NRXN3: variants seen among roughly 807,000 people sequenced by gnomAD.
The protein encoded by NRXN3 is neurexin III.
NRXN3 carries 32 observed loss-of-function variants against 137.6 expected under a neutral mutation model. That is an observed-to-expected ratio of 0.23 (90% CI 0.18 to 0.31). The LOEUF is 0.31. Among genes scored for constraint, NRXN3 ranks in the 10% least tolerant of loss-of-function variants. The pLI is 1.00. For synonymous variants in NRXN3, 798 were observed against 784.5 expected, an observed-to-expected ratio of 1.02 and a Z score of -0.29; for missense variants, 1,574 against 2,062.5, an observed-to-expected ratio of 0.76 and a Z score of 4.59.
At chr14:78,384,660 A>G (rs549307238) in intron 4 of NRXN3, among the ~76,000 whole-genome samples, 2 of 152,220 alleles carry the variant, frequency 1.3e-5, no homozygotes, top group South Asian at 4.1e-4. Flanking sequence ...CAGCCTTCCT[A>G]TTCTGCCCCC....
At chr14:78,914,491 G>A (rs1025699258) in intron 10 of NRXN3, among the ~76,000 whole-genome samples, 2 of 152,162 alleles carry the variant, frequency 1.3e-5, no homozygotes, top group Admixed American at 6.5e-5. Context: ...CTACTTTAAC[G>A]AATGATGTAA....
chr14:79,026,003 A>G (rs79987128), intron 15 of NRXN3, among the ~76,000 whole-genome samples: 3,314 of 152,196 alleles, frequency 0.022, 114 homozygotes, highest in African/African-American at 0.076. Context: ...AAGTCCAGGT[A>G]TGTCTCATCG....
intron 4 of NRXN3, among the ~76,000 whole-genome samples, chr14:78,510,040 TTATATATATATA>T (rs57232548): frequency 6.9e-6 from 1 of 144,424 alleles, no homozygotes; most frequent in African/African-American, 2.7e-5. Flanking sequence ...TGACAAAATT[TTATATATATATA>T]TATATATTTT....
intron 4 of NRXN3, among the ~76,000 whole-genome samples, chr14:78,467,519 CT>C: frequency 6.6e-6 from 1 of 152,322 alleles, no homozygotes; most frequent in African/African-American, 2.4e-5. Flanking sequence ...AAAGTTTGGC[CT>C]TTCCCATACT....
intron 8 of NRXN3, among the ~76,000 whole-genome samples, chr14:78,741,588 G>A (rs113351428): frequency 6.6e-5 from 10 of 152,172 alleles, no homozygotes; most frequent in African/African-American, 2.4e-4. Flanking sequence ...AGAAAAGTAC[G>A]TACTCATGAA....
chr14:78,944,950 T>G (rs905739025), intron 10 of NRXN3, among the ~76,000 whole-genome samples: 1 of 152,204 alleles, frequency 6.6e-6, no homozygotes, highest in African/African-American at 2.4e-5. Flanking sequence ...TTATTTATGT[T>G]TCTTATGAAG....
rs1272290133 is a variant in NRXN3, at chr14:78,645,183, A to G, written c.821A>G (p.Asn274Ser). 1 of 1,595,024 alleles carries G rather than the reference A, an allele frequency of 6.3e-7. No individual in the cohort carries two copies. The highest frequency in any genetic ancestry group is 1.3e-5 in the African/African-American group (1 of 74,892). Residue 274 changes from asparagine (N) to serine (S), a missense_variant, in exon 5 of 21, where the codon AAC (asparagine) becomes AGC (serine). Physicochemically the swap from Asn to Ser is conservative, Grantham distance 46. Transcript: ENST00000335750. Reference sequence around the variant, plus strand: ...TATCTGTGCTACGACCTGTCTCAGAACCCGATCCAGAGCAGCAGTGATGAA... The same window carrying G: ...TATCTGTGCTACGACCTGTCTCAGAGCCCGATCCAGAGCAGCAGTGATGAA... ...SEYLCYDLSQ[N>S]PIQSSSDEIT...
intron 16 of NRXN3, among the ~76,000 whole-genome samples, chr14:79,587,269 C>T (rs1307081166): frequency 3.3e-5 from 5 of 152,182 alleles, no homozygotes; most frequent in African/African-American, 9.7e-5. Flanking sequence ...CAGAATAAAC[C>T]GTTTTGTAAG....
At chr14:79,825,250 T>A (rs1159039) in intron 20 of NRXN3, among the ~76,000 whole-genome samples, 1 of 148,282 alleles carries the variant, frequency 6.7e-6, no homozygotes, top group Admixed American at 6.8e-5. Flanking sequence ...TTTCAAATTA[T>A]ATGTGGATTT....
At position 78,709,652 on chromosome 14, in the gene NRXN3, T is replaced by C. The variant is rs780888860; in HGVS notation, c.1657T>C (p.Ser553Pro). ...TGTGGACATTCAGCGAGATGGCAGA[T>C]CAGGTAGGAAGAGGCAGGATGTGTG... is the stretch of plus-strand genomic sequence containing the variant. Reference protein sequence around the residue: ...YHVDIQRDGRSGTISVNSRRT... With the variant: ...YHVDIQRDGRPGTISVNSRRT... Residue 553 changes from serine to proline, a missense_variant, in exon 7 of 21, where the codon TCA (serine) becomes CCA (proline). This residue lies in a region of NRXN3 where 718 missense variants were observed against 887.6 expected (regional missense o/e 0.81). Coordinates refer to ENST00000335750, the MANE Select transcript of NRXN3 (RefSeq NM_001330195.2). 13 of 1,609,356 alleles carry C rather than the reference T, an allele frequency of 8.1e-6. No individual in the cohort carries two copies. The highest frequency in any genetic ancestry group is 1.1e-5 in the Non-Finnish European group (13 of 1,178,406).
intron 15 of NRXN3, among the ~76,000 whole-genome samples, chr14:79,314,663 C>G (rs1365301790): frequency 7.4e-6 from 1 of 135,928 alleles, no homozygotes; most frequent in African/African-American, 2.8e-5. Flanking sequence ...TTAAGTGTCC[C>G]TGTCTGACAG....
intron 20 of NRXN3, among the ~76,000 whole-genome samples, chr14:79,860,188 C>G (rs1016194909): frequency 6.6e-6 from 1 of 152,204 alleles, no homozygotes; most frequent in African/African-American, 2.4e-5. Flanking sequence ...TTTTGCCACA[C>G]TAGTTAGCAA....
intron 8 of NRXN3, among the ~76,000 whole-genome samples, chr14:78,772,020 T>C (rs529250573): frequency 6.6e-6 from 1 of 152,292 alleles, no homozygotes; most frequent in African/African-American, 2.4e-5. Flanking sequence ...ATACCTTATA[T>C]ACATAGCTGG....
intron 4 of NRXN3, among the ~76,000 whole-genome samples, chr14:78,488,124 A>G (rs559797390): frequency 6.6e-6 from 1 of 152,234 alleles, no homozygotes; most frequent in Admixed American, 6.5e-5. Flanking sequence ...CTTTTCCCCC[A>G]TGTGTACATC....
intron 15 of NRXN3, among the ~76,000 whole-genome samples, chr14:79,216,566 A>T (rs539258504): frequency 6.6e-6 from 1 of 152,208 alleles, no homozygotes; most frequent in Non-Finnish European, 1.5e-5. Flanking sequence ...AAAGTAAAAA[A>T]TAGTGTACCT....
chr14:78,859,113 A>T (rs1393316880), intron 10 of NRXN3, among the ~76,000 whole-genome samples: 1 of 152,050 alleles, frequency 6.6e-6, no homozygotes, highest in Non-Finnish European at 1.5e-5. Context: ...ACAAAATCTG[A>T]TGGTTTTATA....
chr14:79,045,106 T>A (rs980484079), intron 15 of NRXN3, among the ~76,000 whole-genome samples: 2 of 152,140 alleles, frequency 1.3e-5, no homozygotes, highest in Non-Finnish European at 2.9e-5. Flanking sequence ...CATAGAAATA[T>A]AGGAAATGAG....
In NRXN3 at chr14:78,457,462, T is replaced by C. The variant is rs1467333156; in HGVS notation, c.757+159602T>C. ...GAGAGGGTGACAGTGAGATAGTAAA[T>C]AGCTGAGGGGATTCTGAGTTCTTTG... is the stretch of plus-strand genomic sequence containing the variant. On this transcript the variant is annotated intron_variant, in intron 4 of 20. Coordinates refer to ENST00000335750, the MANE Select transcript of NRXN3 (RefSeq NM_001330195.2). 2.0e-5 allele frequency among the ~76,000 whole-genome samples: 3 copies of C among 152,196 alleles called. No individual in the cohort carries two copies. The East Asian group carries it at 5.8e-4, about 29-fold the overall frequency.
chr14:78,934,198 T>C (rs1228097936), intron 10 of NRXN3, among the ~76,000 whole-genome samples: 3 of 148,278 alleles, frequency 2.0e-5, no homozygotes, highest in African/African-American at 7.5e-5. Flanking sequence ...ACCAAAGCAC[T>C]GAACTTCTGG....
Sources: allele counts gnomAD v4.1 joint callset (sites outside exome capture counted in the v4.1 genomes callset), GRCh38; gene constraint gnomAD v4.1.1; regional missense constraint gnomAD v4.1.1; transcripts MANE v1.5; gene names NCBI Gene and HGNC (gene_info 2026-07-23, HGNC 2026-07-21).